Variants in CLRN2 observed in about 807,000 individuals in gnomAD.
CLRN2 encodes the protein clarin 2.
A neutral mutation model predicts 20.1 loss-of-function variants in CLRN2; 17 were observed. The observed-to-expected ratio is 0.85, with a 90% confidence interval of 0.58 to 1.27. CLRN2 has a LOEUF of 1.27. Ranked by LOEUF, CLRN2 falls within the 50% of genes most tolerant of loss-of-function variation. The pLI is 0.00. For synonymous variants in CLRN2, 140 were observed against 126.9 expected, an observed-to-expected ratio of 1.10 and a Z score of -0.70; for missense variants, 288 against 299.5, an observed-to-expected ratio of 0.96 and a Z score of 0.28.
At position 17,515,422 on chromosome 4, in the gene CLRN2, A is replaced by G. The variant is rs548568573; in HGVS notation, c.156A>G (p.Arg52=). The G allele has an allele frequency of 5.6e-6, 9 of 1,613,968 alleles. No homozygotes were observed. In the South Asian group the frequency reaches 8.8e-5, roughly 16 times the overall value. The change falls in exon 1 of 3, where the codon AGA becomes AGG. Residue 52 remains arginine, a synonymous_variant. Coordinates refer to ENST00000511148, the MANE Select transcript of CLRN2 (RefSeq NM_001079827.2). ...TGGATCTGGTCAACGCCACAGACAG[A>G]GAGCTGGTCAAGTTCATTGGGGACA... ...TGVDLVNATD[R]ELVKFIGDIY...
chr4:17,519,958 A>T (rs781403475), intron 1 of CLRN2, among the ~76,000 whole-genome samples: 1 of 152,040 alleles, frequency 6.6e-6, no homozygotes, highest in South Asian at 2.1e-4. Context: ...ATCCCCCCAT[A>T]ATGGCTCCCA....
At chr4:17,521,314 G>A (rs1711831929) in intron 1 of CLRN2, among the ~76,000 whole-genome samples, 1 of 152,148 alleles carries the variant, frequency 6.6e-6, no homozygotes, top group Admixed American at 6.5e-5. Context: ...GTCACCTAAC[G>A]GGACACCTAA....
chr4:17,522,574 A>G (rs1577201543), intron 1 of CLRN2, among the ~76,000 whole-genome samples: 2 of 152,224 alleles, frequency 1.3e-5, no homozygotes, highest in East Asian at 3.8e-4. Context: ...TGTGTGCATC[A>G]GTTCACATCA....
rs184513984 is a variant in CLRN2, at chr4:17,518,780, G to A, written c.253+3261G>A. On this transcript the variant is annotated intron_variant, in intron 1 of 2. Transcript: ENST00000511148. ...CCATCTAAAAAAAAAAAAGAGAAAG[G>A]AAAAAGAAAGAAAAATTTACCATCT... Among the ~76,000 whole-genome samples, 733 of 151,444 alleles carry A rather than the reference G, an allele frequency of 4.8e-3. 4 individuals are homozygous for A. Among genetic ancestry groups the A allele is most frequent in the African/African-American group, 0.016 (681 of 41,338 alleles).
Position 17,526,824 on chromosome 4 carries a change from C to G in CLRN2, c.441C>G (p.Val147=). 6.2e-7 allele frequency: 1 copy of G among 1,613,970 alleles called. No homozygotes were observed. Among genetic ancestry groups the G allele is most frequent in the Non-Finnish European group, 8.5e-7 (1 of 1,179,832 alleles). The change falls in exon 3 of 3, where the codon GTC becomes GTG. Residue 147 remains valine (V), a synonymous_variant. Coordinates refer to ENST00000511148, the MANE Select transcript of CLRN2 (RefSeq NM_001079827.2). ...ICLWNVLAGG[V]VALAIASFVA... The stretch of plus-strand genomic sequence containing the variant: ...GACCTTTTTGAGTTTCAGGCGGCGT[C>G]GTGGCGTTAGCCATCGCCAGCTTCG...
chr4:17,520,002 C>T (rs905629093), intron 1 of CLRN2, among the ~76,000 whole-genome samples: 7 of 152,090 alleles, frequency 4.6e-5, no homozygotes, highest in Admixed American at 2.6e-4. Context: ...AGCCACTGCC[C>T]CAGCCTCGAA....
chr4:17,527,064 T>A lies in CLRN2; in HGVS notation c.681T>A (p.Ala227=). Residue 227 remains alanine (A), a synonymous_variant, in exon 3 of 3, where the codon GCT becomes GCA. Transcript: ENST00000511148. ...AAATCGAAGAGGCCACGGTCACAGC[T>A]GAGGATATCTTGTATTAATAGCCTT... The part of the protein sequence containing the change: ...KTKIEEATVT[A]EDILY 1 of 1,613,958 alleles carries A rather than the reference T, an allele frequency of 6.2e-7. No homozygotes were observed. Among genetic ancestry groups the A allele is most frequent in the Non-Finnish European group, 8.5e-7 (1 of 1,179,882 alleles).
chr4:17,522,867 T>C lies in CLRN2; in HGVS notation c.257T>C (p.Phe86Ser). ...LGGRQSQFTI[F>S]PHLVKELNAG... Reference sequence around the variant, plus strand: ...TGGCTGTGTCTTGTCTCCCCAGTCTTCCCACACCTGGTGAAGGAGCTCAAC... The same window carrying C: ...TGGCTGTGTCTTGTCTCCCCAGTCTCCCCACACCTGGTGAAGGAGCTCAAC... Residue 86 changes from phenylalanine to serine, a missense_variant, in exon 2 of 3, where the codon TTC becomes TCC. By Grantham distance (155) the Phe-to-Ser change is radical. Coordinates refer to ENST00000511148, the MANE Select transcript of CLRN2 (RefSeq NM_001079827.2). 6.2e-7 allele frequency: 1 copy of C among 1,613,512 alleles called. No individual in the cohort carries two copies. The highest frequency in any genetic ancestry group is 8.5e-7 in the Non-Finnish European group (1 of 1,179,582).
At chr4:17,526,371 G>A (rs1436568722) in intron 2 of CLRN2, among the ~76,000 whole-genome samples, 2 of 152,108 alleles carry the variant, frequency 1.3e-5, no homozygotes, top group Non-Finnish European at 2.9e-5. Context: ...ACCAGCCTGG[G>A]CAACATGATG....
chr4:17,517,205 T>C (rs1404003207), intron 1 of CLRN2, among the ~76,000 whole-genome samples: 1 of 152,146 alleles, frequency 6.6e-6, no homozygotes, highest in Non-Finnish European at 1.5e-5. Context: ...GTGATATGGG[T>C]ACAATTAATG....
chr4:17,518,226 T>C (rs1577200273), intron 1 of CLRN2, among the ~76,000 whole-genome samples: 1 of 152,006 alleles, frequency 6.6e-6, no homozygotes, highest in East Asian at 1.9e-4. Flanking sequence ...GGGAATAAAT[T>C]CCCACGCCAA....
intron 1 of CLRN2, among the ~76,000 whole-genome samples, chr4:17,519,649 G>A (rs1386819643): frequency 6.6e-6 from 1 of 152,100 alleles, no homozygotes; most frequent in Non-Finnish European, 1.5e-5. Context: ...TCGTGTGTAG[G>A]GTCATGGATT....
At chr4:17,521,277 A>G (rs1472568846) in intron 1 of CLRN2, among the ~76,000 whole-genome samples, 3 of 152,218 alleles carry the variant, frequency 2.0e-5, no homozygotes, top group African/African-American at 7.2e-5. Flanking sequence ...AGAACGCACA[A>G]TGTAAACGTG....
At chr4:17,526,669 C>T in intron 2 of CLRN2, 148 bp from the exon 3 acceptor site, 1 of 859,006 alleles carries the variant, frequency 1.2e-6, no homozygotes, top group Non-Finnish European at 1.8e-6. Context: ...TGTGGGTTAT[C>T]TCCTACTTTT....
At chr4:17,518,771 A>AG (rs574898540) in intron 1 of CLRN2, among the ~76,000 whole-genome samples, 90 of 151,780 alleles carry the variant, frequency 5.9e-4, no homozygotes, top group African/African-American at 1.9e-3. Context: ...AAAAAAAAAA[A>AG]AGAGAAAGGA....
intron 1 of CLRN2, among the ~76,000 whole-genome samples, chr4:17,520,276 C>A (rs940131579): frequency 2.0e-5 from 3 of 152,128 alleles, no homozygotes; most frequent in Non-Finnish European, 4.4e-5. Context: ...TTTTAAAAAT[C>A]AAATCTGGAT....
At chr4:17,517,815 C>G (rs1167943870) in intron 1 of CLRN2, among the ~76,000 whole-genome samples, 2 of 152,114 alleles carry the variant, frequency 1.3e-5, no homozygotes, top group African/African-American at 4.8e-5. Flanking sequence ...TTCGCAGTAC[C>G]TTGGATGTGA....
chr4:17,522,679 AC>A (rs945274119), intron 1 of CLRN2, among the ~76,000 whole-genome samples, 184 bp from the exon 2 acceptor site: 3 of 152,204 alleles, frequency 2.0e-5, no homozygotes, highest in African/African-American at 7.2e-5. Flanking sequence ...TTGTTGGTCA[AC>A]TGACAAGCAT....
chr4:17,521,817 T>C (rs1711843006), intron 1 of CLRN2, among the ~76,000 whole-genome samples: 1 of 152,178 alleles, frequency 6.6e-6, no homozygotes, highest in African/African-American at 2.4e-5. Context: ...TGAGCCCCGA[T>C]TGGTCATTAC....
Sources: gnomAD v4.1 joint callset for allele counts (sites outside exome capture counted in the v4.1 genomes callset) on GRCh38, gnomAD v4.1.1 for gene constraint, MANE v1.5 for transcripts, NCBI Gene and HGNC (gene_info 2026-07-23, HGNC 2026-07-21) for gene names.